CACNA1C: variants seen among roughly 807,000 people sequenced by gnomAD.
CACNA1C encodes calcium voltage-gated channel subunit alpha1 C, also known as voltage-dependent L-type calcium channel subunit alpha-1C.
Under a neutral mutation model 229.0 loss-of-function variants are expected in CACNA1C, and 30 were observed. The observed-to-expected ratio is 0.13, with a 90% CI of 0.10 to 0.18. The LOEUF (loss-of-function observed/expected upper bound fraction) is 0.18. CACNA1C is among the 10% of genes least tolerant of loss of function. CACNA1C has a pLI of 1.00. For synonymous variants in CACNA1C, 1,114 were observed against 1,132.5 expected (o/e 0.98, Z 0.33); for missense variants, 1,658 against 2,845.0 (o/e 0.58, Z 9.49).
chr12:2,669,480 T>C (rs1392323546), intron 38 of CACNA1C, among the ~76,000 whole-genome samples: 1 of 152,226 alleles, frequency 6.6e-6, no homozygotes, highest in Non-Finnish European at 1.5e-5. Flanking sequence ...TTTTGAACTC[T>C]AGCTTTCCAT....
At chr12:2,111,871 C>T (rs1046926735) in intron 1 of CACNA1C, among the ~76,000 whole-genome samples, 8 of 152,158 alleles carry the variant, frequency 5.3e-5, no homozygotes, top group South Asian at 2.1e-4. Context: ...GCCTAAGAGG[C>T]GCCCCGAGGT....
chr12:2,004,408 G>A (rs1316086585), intron 1 of CACNA1C: 1 of 1,610,830 alleles, frequency 6.2e-7, no homozygotes, highest in East Asian at 2.2e-5. Flanking sequence ...TTCCCACCAG[G>A]CCGCCTGCCG....
chr12:2,220,871 A>AAGAAG (rs2061289084), intron 3 of CACNA1C: 1 of 152,038 alleles, frequency 6.6e-6, no homozygotes, highest in African/African-American at 2.4e-5. Flanking sequence ...ATATGAGGGC[A>AAGAAG]AGAAGAGAAG....
intron 3 of CACNA1C, among the ~76,000 whole-genome samples, chr12:2,328,944 T>G (rs1247261141): frequency 6.6e-6 from 1 of 152,244 alleles, no homozygotes; most frequent in Non-Finnish European, 1.5e-5. Context: ...GTCTGTGTAA[T>G]AATCAGGTGA....
At chr12:2,196,834 G>A (rs1417504437) in intron 3 of CACNA1C, among the ~76,000 whole-genome samples, 1 of 152,182 alleles carries the variant, frequency 6.6e-6, no homozygotes, top group Non-Finnish European at 1.5e-5. Context: ...TTATGGTCAT[G>A]GGTGTGTGCA....
intron 1 of CACNA1C, among the ~76,000 whole-genome samples, chr12:2,088,416 T>A (rs530193071): frequency 6.6e-6 from 1 of 152,298 alleles, no homozygotes; most frequent in African/African-American, 2.4e-5. Flanking sequence ...CGTACTTTGC[T>A]GTCAGGCTGC....
intron 13 of CACNA1C, among the ~76,000 whole-genome samples, chr12:2,572,307 TC>T (rs1600547885): frequency 6.9e-6 from 1 of 145,782 alleles, no homozygotes; most frequent in Non-Finnish European, 1.5e-5. Flanking sequence ...TTCCTCCTCC[TC>T]CTCCTCCTCC....
At position 2,486,804 on chromosome 12, in the gene CACNA1C, A is replaced by G. The variant is rs893173474; in HGVS notation, c.916+542A>G. On this transcript the variant is annotated intron_variant, in intron 6 of 46. Transcript: ENST00000399655. This position sits in a 1 kb window ranked among gnomAD's most constrained non-coding sequence, Gnocchi z 4.9. ...CACAGGCAGATGCCCCAGAGCCCCT[A>G]TTCCAGGTGGGGGAGGAGGGCAGGT... 3.3e-5 allele frequency among the ~76,000 whole-genome samples: 5 copies of G among 152,144 alleles called. No individual in the cohort carries two copies. The highest frequency in any genetic ancestry group is 2.4e-5 in the African/African-American group (1 of 41,428).
At chr12:2,587,713 G>A (rs1426631195) in intron 18 of CACNA1C, among the ~76,000 whole-genome samples, 1 of 152,166 alleles carries the variant, frequency 6.6e-6, no homozygotes, top group Non-Finnish European at 1.5e-5. Flanking sequence ...ACGCTTTCCA[G>A]CTGAAAAGCT....
At chr12:2,208,163 G>A (rs554042918) in intron 3 of CACNA1C, among the ~76,000 whole-genome samples, 1 of 152,302 alleles carries the variant, frequency 6.6e-6, no homozygotes, top group East Asian at 1.9e-4. Context: ...ATGCACAGGT[G>A]CTGTGCCAAG....
chr12:2,545,212 ATT>A (rs56971243), intron 9 of CACNA1C, among the ~76,000 whole-genome samples: 5,743 of 131,606 alleles, frequency 0.044, 303 homozygotes, highest in African/African-American at 0.15. Context: ...CAAAACAATG[ATT>A]TTTTTTTTTT....
chr12:2,565,106 T>C (rs2049664224), intron 11 of CACNA1C, among the ~76,000 whole-genome samples: 1 of 152,212 alleles, frequency 6.6e-6, no homozygotes. Context: ...AATGTGTTTC[T>C]TTAGGATCAT....
intron 1 of CACNA1C, among the ~76,000 whole-genome samples, chr12:2,113,066 A>G (rs2082378567): frequency 6.6e-6 from 1 of 152,160 alleles, no homozygotes; most frequent in Non-Finnish European, 1.5e-5. Flanking sequence ...AATCACTTGG[A>G]GAAGGGGAGG....
intron 9 of CACNA1C, among the ~76,000 whole-genome samples, chr12:2,522,653 T>C (rs2099812186): frequency 6.6e-6 from 1 of 152,188 alleles, no homozygotes; most frequent in Non-Finnish European, 1.5e-5. Flanking sequence ...ATTGTTTCAC[T>C]GTATGGCGTC....
rs964976837 is a variant in CACNA1C, at chr12:2,677,630, T to C, written c.4957-103T>C. Reference sequence around the variant, plus strand: ...GAGGGTCGACTGGCTGGGTGGAGGATGCCAGGGCCCTGGAGGGACAGGTCT... The same window carrying C: ...GAGGGTCGACTGGCTGGGTGGAGGACGCCAGGGCCCTGGAGGGACAGGTCT... On this transcript the variant is annotated intron_variant, in intron 40 of 46. Coordinates refer to ENST00000399655, the MANE Select transcript of CACNA1C (RefSeq NM_000719.7). The surrounding 1 kb of genome is among the most constrained non-coding windows in gnomAD (Gnocchi z 7.4). The C allele has an allele frequency of 1.2e-5, 16 of 1,335,418 alleles. No individual in the cohort carries two copies. Among genetic ancestry groups the C allele is most frequent in the Non-Finnish European group, 1.6e-5 (15 of 962,006 alleles). The allele number at this position is 1,335,418 out of a possible 1,614,324, so 82.7% of individuals were successfully genotyped here.
chr12:2,677,448 G>GC lies in CACNA1C; in HGVS notation c.4956+232dup. The GC allele has an allele frequency of 1.6e-6, 1 of 617,470 alleles. No homozygotes were observed. Among genetic ancestry groups the GC allele is most frequent in the South Asian group, 2.1e-5 (1 of 47,766 alleles). 38.2% of individuals were successfully genotyped at this position (617,470 alleles called of 1,614,324 possible). On this transcript the variant is annotated intron_variant, in intron 40 of 46. Coordinates refer to ENST00000399655, the MANE Select transcript of CACNA1C (RefSeq NM_000719.7). This position sits in a 1 kb window ranked among gnomAD's most constrained non-coding sequence, Gnocchi z 7.4. ...CTCCATGGTTCTGCCTGCTGTCATA[G>GC]CCCCCAGATCTCTCAAATACTTCAC...
rs1420930252 is a variant in CACNA1C, at chr12:2,665,220, G to A, written c.4398+230G>A. On this transcript the variant is annotated intron_variant, in intron 35 of 46. Transcript: ENST00000399655. This position sits in a 1 kb window ranked among gnomAD's most constrained non-coding sequence, Gnocchi z 5.9. The stretch of plus-strand genomic sequence containing the variant: ...GTCTGTTCTTGGCTGTTGTCATGGT[G>A]GCATTGTCCCAGAGGACAACGGGGA... Among the ~76,000 whole-genome samples the A allele has an allele frequency of 6.6e-6, 1 of 152,216 alleles. No individual in the cohort carries two copies.
intron 3 of CACNA1C, among the ~76,000 whole-genome samples, chr12:2,234,143 C>G (rs1025258475): frequency 1.3e-5 from 2 of 152,162 alleles, no homozygotes; most frequent in East Asian, 3.8e-4. Flanking sequence ...GACGATGCAG[C>G]CTTTTCAAAC....
chr12:2,655,757 C>T (rs749359594), intron 34 of CACNA1C, among the ~76,000 whole-genome samples: 2 of 152,192 alleles, frequency 1.3e-5, no homozygotes, highest in East Asian at 3.8e-4. Context: ...ACATCATGAT[C>T]AAGTGGGTTT....
Sources: gnomAD v4.1 joint callset for allele counts (sites outside exome capture counted in the v4.1 genomes callset) on GRCh38, gnomAD v4.1.1 for gene constraint, Gnocchi (gnomAD v3.1) non-coding constraint, MANE v1.5 for transcripts, NCBI Gene and HGNC (gene_info 2026-07-23, HGNC 2026-07-21) for gene names.